Variants in NYAP2 observed in about 807,000 individuals in gnomAD.
NYAP2 encodes neuronal tyrosine-phosphorylated phosphoinositide-3-kinase adaptor 2.
In NYAP2, 23 loss-of-function variants were observed where a neutral mutation model predicts 50.4. The ratio of observed to expected loss-of-function variants is 0.46; its 90% confidence interval spans 0.33 to 0.65. The LOEUF is 0.65. Among genes scored for constraint, NYAP2 ranks in the 30% least tolerant of loss-of-function variants. The probability of loss-of-function intolerance (pLI) is 0.02; values close to 1 mark genes in which losing one functional copy is unlikely to be tolerated. For synonymous variants in NYAP2, 394 were observed against 365.2 expected, an observed-to-expected ratio of 1.08 and a Z score of -0.90; for missense variants, 885 against 861.0, an observed-to-expected ratio of 1.03 and a Z score of -0.35.
the NYAP2 span, chr2:225,701,902 G>C: frequency 2.7e-4 from 41 of 151,802 alleles, no homozygotes; most frequent in African/African-American, 9.4e-4. Flanking sequence ...ATGGAATTTA[G>C]TTTGATTCTT....
intron 6 of NYAP2, among the ~76,000 whole-genome samples, chr2:225,633,508 C>T (rs1446714927): frequency 3.3e-5 from 5 of 152,204 alleles, no homozygotes; most frequent in African/African-American, 1.2e-4. Flanking sequence ...TACAAATGTA[C>T]TTTACTCCCA....
At chr2:225,638,156 T>TTGTGTGTGTGTGTGTG (rs146481098) in intron 6 of NYAP2, among the ~76,000 whole-genome samples, 2 of 135,306 alleles carry the variant, frequency 1.5e-5, no homozygotes, top group Non-Finnish European at 1.6e-5. Context: ...ACTCGTGTGT[T>TTGTGTGTGTGTGTGTG]TGTGTGTGTG....
chr2:225,482,639 C>T (rs1472009453), intron 3 of NYAP2, among the ~76,000 whole-genome samples: 1 of 152,084 alleles, frequency 6.6e-6, no homozygotes, highest in African/African-American at 2.4e-5. Context: ...AAAATCAAAC[C>T]TTCCAAAATG....
the NYAP2 span, among the ~76,000 whole-genome samples, chr2:225,667,423 T>C: frequency 1.3e-5 from 2 of 152,146 alleles, no homozygotes; most frequent in Admixed American, 6.5e-5. Flanking sequence ...TTTAGCATTA[T>C]AGGATTAACA....
At chr2:225,538,305 A>C (rs780047964) in intron 4 of NYAP2, among the ~76,000 whole-genome samples, 2 of 152,166 alleles carry the variant, frequency 1.3e-5, no homozygotes, top group Non-Finnish European at 2.9e-5. Context: ...GAGGTTCTCC[A>C]TGAGGGCCCC....
At chr2:225,536,785 C>CT (rs933565550) in intron 4 of NYAP2, among the ~76,000 whole-genome samples, 107 of 143,758 alleles carry the variant, frequency 7.4e-4, no homozygotes, top group African/African-American at 9.9e-4. Flanking sequence ...TTTTTTCTTT[C>CT]TTTTTTTTTT....
chr2:225,647,869 A>G (rs1391214220), intron 6 of NYAP2, among the ~76,000 whole-genome samples: 1 of 152,130 alleles, frequency 6.6e-6, no homozygotes, highest in Non-Finnish European at 1.5e-5. Flanking sequence ...ATATGGTTTG[A>G]TTAAAGTCCA....
At chr2:225,633,738 C>A (rs1318112292) in intron 6 of NYAP2, among the ~76,000 whole-genome samples, 5 of 152,224 alleles carry the variant, frequency 3.3e-5, no homozygotes, top group Non-Finnish European at 7.3e-5. Flanking sequence ...TCAGTGCCAG[C>A]TGATGCTGCC....
intron 4 of NYAP2, among the ~76,000 whole-genome samples, chr2:225,577,410 C>G (rs761967969): frequency 1.3e-5 from 2 of 151,936 alleles, no homozygotes; most frequent in Non-Finnish European, 2.9e-5. Context: ...GTATGTAACT[C>G]AAGACTATTT....
chr2:225,681,588 T>C, the NYAP2 span, among the ~76,000 whole-genome samples: 1 of 152,200 alleles, frequency 6.6e-6, no homozygotes, highest in African/African-American at 2.4e-5. Flanking sequence ...AAGCCTCAGT[T>C]ATTCAATCTG....
the NYAP2 span, among the ~76,000 whole-genome samples, chr2:225,662,039 T>C: frequency 6.6e-6 from 1 of 152,212 alleles, no homozygotes; most frequent in Non-Finnish European, 1.5e-5. Context: ...TTTGCTCCCA[T>C]TCTAAAACTT....
intron 5 of NYAP2, among the ~76,000 whole-genome samples, chr2:225,613,552 A>G (rs939219216): frequency 2.6e-5 from 4 of 152,124 alleles, no homozygotes; most frequent in African/African-American, 9.7e-5. Flanking sequence ...AAAATTAACC[A>G]TCATATTAAA....
At chr2:225,589,855 C>G (rs1246494258) in intron 5 of NYAP2, among the ~76,000 whole-genome samples, 1 of 152,074 alleles carries the variant, frequency 6.6e-6, no homozygotes, top group Non-Finnish European at 1.5e-5. Context: ...AGTCTATAGT[C>G]TTGGATCTCT....
chr2:225,503,348 C>T (rs1311491702), intron 3 of NYAP2, among the ~76,000 whole-genome samples: 1 of 152,156 alleles, frequency 6.6e-6, no homozygotes, highest in Non-Finnish European at 1.5e-5. Flanking sequence ...GGCCATGACA[C>T]TTCAAGAAGT....
chr2:225,691,250 C>G, the NYAP2 span, among the ~76,000 whole-genome samples: 1 of 151,832 alleles, frequency 6.6e-6, no homozygotes, highest in African/African-American at 2.4e-5. Flanking sequence ...GCTTTATGAG[C>G]CTATAGTCTC....
the NYAP2 span, among the ~76,000 whole-genome samples, chr2:225,686,578 AG>A: frequency 6.6e-6 from 1 of 152,210 alleles, no homozygotes; most frequent in Non-Finnish European, 1.5e-5. Context: ...TGAGGAAAAC[AG>A]GGTTTACTGA....
chr2:225,479,740 G>A (rs1327295840), intron 3 of NYAP2, among the ~76,000 whole-genome samples: 1 of 151,916 alleles, frequency 6.6e-6, no homozygotes, highest in East Asian at 1.9e-4. Context: ...TTTTCTTAAG[G>A]ACAAACTTCA....
chr2:225,547,679 TG>T (rs1237209148), intron 4 of NYAP2, among the ~76,000 whole-genome samples: 1 of 152,224 alleles, frequency 6.6e-6, no homozygotes, highest in African/African-American at 2.4e-5. Flanking sequence ...TGGCCACTGC[TG>T]GGGGATGGGG....
chr2:225,597,069 A>AAAAAC (rs771743831), intron 5 of NYAP2, among the ~76,000 whole-genome samples: 2 of 152,174 alleles, frequency 1.3e-5, no homozygotes, highest in African/African-American at 2.4e-5. Context: ...TGTATCTGTG[A>AAAAAC]AAAACAAAAC....
Sources: allele counts gnomAD v4.1 joint callset (sites outside exome capture counted in the v4.1 genomes callset), GRCh38; gene constraint gnomAD v4.1.1; transcripts MANE v1.5; gene names NCBI Gene and HGNC (gene_info 2026-07-23, HGNC 2026-07-21).